The following MEIOB variants were observed in gnomAD, a reference collection of about 807,000 sequenced individuals.
The protein encoded by MEIOB is meiosis specific with OB-fold.
In MEIOB, 50 loss-of-function variants were observed where a neutral mutation model predicts 53.1. That is an observed-to-expected ratio of 0.94 (90% CI 0.75 to 1.19). MEIOB has a LOEUF of 1.19. Ranked by LOEUF, MEIOB falls within the 50% of genes most tolerant of loss-of-function variation. The pLI, the probability that MEIOB is intolerant of heterozygous loss-of-function variation, is 0.00. For missense variants in MEIOB, 551 were observed against 550.8 expected (o/e 1.00, Z 0.00); for synonymous variants, 192 against 182.5 (o/e 1.05, Z -0.42).
intron 9 of MEIOB, among the ~76,000 whole-genome samples, chr16:1,852,049 AATG>A (rs1361007198): frequency 6.6e-6 from 1 of 152,140 alleles, no homozygotes; most frequent in East Asian, 1.9e-4. Flanking sequence ...CTGGGCATTT[AATG>A]TGCAGTTATG....
chr16:1,862,019 C>T lies in MEIOB; in HGVS notation c.225G>A (p.Lys75=), dbSNP rs1265750238. The change falls in exon 4 of 14, where the codon AAG becomes AAA. Residue 75 remains lysine (K), a synonymous_variant. Transcript: ENST00000325962. ...CAACCCTAAAGCTGTCAGAAAGAGA[C>T]TTGATGTAATCTTCATTGCCCCAGG... is the stretch of plus-strand genomic sequence containing the variant. The part of the protein sequence containing the change: ...AASWGNEDYI[K]SLSDSFRVGD... The T allele has an allele frequency of 4.5e-6, 7 of 1,551,406 alleles. No individual in the cohort carries two copies. The highest frequency in any genetic ancestry group is 1.7e-4 in the Middle Eastern group (1 of 5,990).
At chr16:1,839,526 C>CTA in intron 11 of MEIOB, 88 bp from the exon 12 acceptor site, 1 of 1,236,958 alleles carries the variant, frequency 8.1e-7, no homozygotes, top group East Asian at 2.5e-5. Flanking sequence ...ACTAAAAACT[C>CTA]TACGACAGTG....
chr16:1,846,187 A>G (rs966738235), intron 9 of MEIOB, among the ~76,000 whole-genome samples: 4 of 152,302 alleles, frequency 2.6e-5, no homozygotes, highest in African/African-American at 4.8e-5. Context: ...AACTCTATTA[A>G]CTTGGAGAGA....
At position 1,841,852 on chromosome 16, in the gene MEIOB, A is replaced by T; in HGVS notation, c.1002T>A (p.Asp334Glu). ...TTCGAACTACTTTTGTAGTTTCATCATCAATGTTGAGTGTGGAAATGTAGG... is the reference window on the plus strand; with the variant it reads ...TTCGAACTACTTTTGTAGTTTCATCTTCAATGTTGAGTGTGGAAATGTAGG... ...LYAYISTLNI[D>E]DETTKVVRNR... Residue 334 changes from aspartate (D) to glutamate (E), a missense_variant, in exon 11 of 14, where the codon GAT becomes GAA. By Grantham distance (45) the Asp-to-Glu change is conservative. Transcript: ENST00000325962. 1 of 1,592,956 alleles carries T rather than the reference A, an allele frequency of 6.3e-7. No individual in the cohort carries two copies. Among genetic ancestry groups the T allele is most frequent in the Non-Finnish European group, 8.5e-7 (1 of 1,171,156 alleles).
chr16:1,843,595 G>A (rs56934115), intron 10 of MEIOB: 19,548 of 151,652 alleles, frequency 0.13, 1,263 homozygotes, highest in East Asian at 0.16. Flanking sequence ...CTACTTGGGA[G>A]GCTAAGGAAG....
At chr16:1,845,107 G>C (rs1898998896) in intron 9 of MEIOB, 144 bp from the exon 10 acceptor site, 2 of 544,026 alleles carry the variant, frequency 3.7e-6, no homozygotes. Context: ...CATTAACAAT[G>C]TGATGTAGAA....
chr16:1,853,334 A>G, intron 7 of MEIOB, 63 bp from the exon 8 acceptor site: 1 of 1,255,058 alleles, frequency 8.0e-7, no homozygotes, highest in Non-Finnish European at 1.1e-6. Flanking sequence ...ATAGTGACAT[A>G]TTATTTACAA....
At chr16:1,837,997 C>G (rs1898794510) in intron 12 of MEIOB, 127 bp from the exon 13 acceptor site, 5 of 1,443,398 alleles carry the variant, frequency 3.5e-6, no homozygotes, top group African/African-American at 2.9e-5. Flanking sequence ...ACAGCTCAAT[C>G]GTTTGTTTTT....
Position 1,844,932 on chromosome 16 carries a change from A to C in MEIOB, c.810T>G (p.Phe270Leu). 6.4e-7 allele frequency: 1 copy of C among 1,553,706 alleles called. No individual in the cohort carries two copies. Among genetic ancestry groups the C allele is most frequent in the Non-Finnish European group, 8.8e-7 (1 of 1,132,318 alleles). ...CATTCGTTTCTTTATTTTCTCGTAT[A>C]AAATTCAGCAGAATGTTAGCTTCTG... The part of the protein sequence containing the change: ...DIPEANILLN[F>L]IRENKETNVL... Residue 270 changes from phenylalanine to leucine, a missense_variant, in exon 10 of 14, where the codon TTT (phenylalanine) becomes TTG (leucine). Transcript: ENST00000325962.
intron 13 of MEIOB, 48 bp from the exon 14 acceptor site, chr16:1,834,414 C>T (rs1898684304): frequency 3.0e-6 from 3 of 994,004 alleles, no homozygotes; most frequent in African/African-American, 3.2e-5. Context: ...TTTTAAAATC[C>T]CCTTGTATAT....
Position 1,857,723 on chromosome 16 carries a change from G to T in MEIOB, c.528+12C>A, listed in dbSNP as rs1899342459. 3 of 1,550,266 alleles carry T rather than the reference G, an allele frequency of 1.9e-6. No individual in the cohort carries two copies. The highest frequency in any genetic ancestry group is 2.6e-6 in the Non-Finnish European group (3 of 1,146,298). On this transcript the variant is annotated intron_variant, in intron 6 of 13. Coordinates refer to ENST00000325962, the MANE Select transcript of MEIOB (RefSeq NM_001163560.3). Reference sequence around the variant, plus strand: ...CCAGATTGCACTTGGCTTTGTCGGGGTTTTAACTTACCGATTTCACAGCTG... The same window carrying T: ...CCAGATTGCACTTGGCTTTGTCGGGTTTTTAACTTACCGATTTCACAGCTG...
In MEIOB at chr16:1,846,061, A is replaced by G. The variant is rs894505236; in HGVS notation, c.779-1098T>C. On this transcript the variant is annotated intron_variant, in intron 9 of 13. Transcript: ENST00000325962. ...CCACGTGATGACTATCCTCACATCC[A>G]TCTGACCAGCCACTCATCTCCTTCC... Among the ~76,000 whole-genome samples the G allele has an allele frequency of 2.0e-5, 3 of 152,198 alleles. No individual in the cohort carries two copies. The South Asian group carries it at 6.2e-4, about 31-fold the overall frequency.
At chr16:1,853,695 C>T (rs1359647622) in intron 7 of MEIOB, among the ~76,000 whole-genome samples, 1 of 152,168 alleles carries the variant, frequency 6.6e-6, no homozygotes, top group Non-Finnish European at 1.5e-5. Context: ...GAGGTCTAGA[C>T]AATGCCTTGT....
intron 2 of MEIOB, 64 bp from the exon 3 acceptor site, chr16:1,865,899 T>G: frequency 8.8e-7 from 1 of 1,137,778 alleles, no homozygotes; most frequent in Admixed American, 2.6e-5. Context: ...AAATTTAATT[T>G]CATGGGCTTG....
Position 1,839,441 on chromosome 16 carries a change from G to GA in MEIOB, c.1035-4dup. ...TTACAATATAACCACAGCTGGAACT[G>GA]AAAAGAAACAAAGACAATGATAAAA... On this transcript the variant is annotated splice_region_variant and splice_polypyrimidine_tract_variant and intron_variant, in intron 11 of 13. Coordinates refer to ENST00000325962, the MANE Select transcript of MEIOB (RefSeq NM_001163560.3). 1 of 1,602,210 alleles carries GA rather than the reference G, an allele frequency of 6.2e-7. No homozygotes were observed. Among genetic ancestry groups the GA allele is most frequent in the Non-Finnish European group, 8.5e-7 (1 of 1,175,366 alleles).
intron 9 of MEIOB, among the ~76,000 whole-genome samples, chr16:1,852,091 T>G (rs192834645): frequency 1.3e-5 from 2 of 152,268 alleles, no homozygotes; most frequent in East Asian, 3.9e-4. Context: ...GAGAGTACTG[T>G]GTGCACGCAT....
Position 1,846,371 on chromosome 16 carries a change from G to A in MEIOB, c.779-1408C>T, listed in dbSNP as rs537507963. Among the ~76,000 whole-genome samples the A allele has an allele frequency of 1.4e-4, 22 of 152,204 alleles. No homozygotes were observed. The South Asian group carries it at 4.2e-3, about 29-fold the overall frequency. On this transcript the variant is annotated intron_variant, in intron 9 of 13. Transcript: ENST00000325962. Reference sequence around the variant, plus strand: ...ACTGTCAGAGAAAGGCAGGAATTGTGCCCTCCCTATCTGATAAGCACTCTC... The same window carrying A: ...ACTGTCAGAGAAAGGCAGGAATTGTACCCTCCCTATCTGATAAGCACTCTC...
In MEIOB at chr16:1,853,258, A is replaced by G. The variant is rs770279152; in HGVS notation, c.643T>C (p.Ser215Pro). 6.5e-7 allele frequency: 1 copy of G among 1,549,936 alleles called. No homozygotes were observed. ...ATCCAGCTCTGTGCAAGTAGAATGG[A>G]TTCATTATCCCAACTGCATTTGTTT... ...SFAMTCWDNE[S>P]ILLAQSWMPR... Residue 215 changes from serine (S) to proline (P), a missense_variant, in exon 8 of 14, where the codon TCC becomes CCC. Transcript: ENST00000325962.
At chr16:1,857,963 A>C (rs755368478) in intron 5 of MEIOB, 33 bp from the exon 6 acceptor site, 6 of 1,389,120 alleles carry the variant, frequency 4.3e-6, no homozygotes, top group Non-Finnish European at 4.9e-6. Flanking sequence ...AGTTATTTGA[A>C]AGTGATCTTT....
Sources: allele counts gnomAD v4.1 joint callset (sites outside exome capture counted in the v4.1 genomes callset), GRCh38; gene constraint gnomAD v4.1.1; transcripts MANE v1.5; gene names NCBI Gene and HGNC (gene_info 2026-07-23, HGNC 2026-07-21).